Variants in KMT2C observed in about 807,000 individuals in gnomAD.
KMT2C encodes lysine methyltransferase 2C.
Under a neutral mutation model 507.9 loss-of-function variants are expected in KMT2C, and 88 were observed. The observed-to-expected ratio is 0.17, with a 90% CI of 0.15 to 0.21. The LOEUF (loss-of-function observed/expected upper bound fraction) is 0.21, where lower values mean the gene tolerates loss of function less well. Among genes scored for constraint, KMT2C ranks in the 10% least tolerant of loss-of-function variants. The pLI, the probability that KMT2C is intolerant of heterozygous loss-of-function variation, is 1.00. For synonymous variants in KMT2C, 2,049 were observed against 2,080.8 expected (o/e 0.98, Z 0.42); for missense variants, 4,954 against 5,957.8 (o/e 0.83, Z 5.55).
At chr7:152,269,374 A>T (rs918802090) in intron 7 of KMT2C, among the ~76,000 whole-genome samples, 1 of 152,244 alleles carries the variant, frequency 6.6e-6, no homozygotes, top group Non-Finnish European at 1.5e-5. Context: ...GGTTGGTTCC[A>T]ACCCTCCCAG....
chr7:152,348,599 TAAAAAAAA>T lies in KMT2C; in HGVS notation c.250+9980_250+9987del, dbSNP rs201530125. ...GGGCAACAAAAGCAAAACTCTGTCTTAAAAAAAAAAAAAAAAAAAAAAAAAGAAAGAAA... is the reference window on the plus strand; with the variant it reads ...GGGCAACAAAAGCAAAACTCTGTCTTAAAAAAAAAAAAAAAAAGAAAGAAA... On this transcript the variant is annotated intron_variant, in intron 2 of 58. Coordinates refer to ENST00000262189, the MANE Select transcript of KMT2C (RefSeq NM_170606.3). Among the ~76,000 whole-genome samples, 15 of 49,002 alleles carry T rather than the reference TAAAAAAAA, an allele frequency of 3.1e-4. No homozygotes were observed. The East Asian group carries it at 4.6e-3, about 15-fold the overall frequency. 32.1% of individuals were successfully genotyped at this position (49,002 alleles called of 152,430 possible).
chr7:152,345,034 A>G (rs2097043536), intron 2 of KMT2C, among the ~76,000 whole-genome samples: 1 of 152,038 alleles, frequency 6.6e-6, no homozygotes, highest in Non-Finnish European at 1.5e-5. Flanking sequence ...AAAAGCACAA[A>G]AAGAGTGGAA....
At chr7:152,343,086 G>A (rs1323219482) in intron 2 of KMT2C, among the ~76,000 whole-genome samples, 3 of 151,718 alleles carry the variant, frequency 2.0e-5, no homozygotes, top group African/African-American at 2.4e-5. Context: ...CCTGGCTATC[G>A]AGAAAAAAAA....
chr7:152,253,412 T>C (rs761884791), intron 9 of KMT2C, among the ~76,000 whole-genome samples: 1 of 143,232 alleles, frequency 7.0e-6, no homozygotes, highest in African/African-American at 2.6e-5. Flanking sequence ...TGATGGTTGA[T>C]GCCAGTAATC....
intron 1 of KMT2C, among the ~76,000 whole-genome samples, chr7:152,360,513 G>C (rs2097187986): frequency 6.8e-6 from 1 of 147,894 alleles, no homozygotes; most frequent in African/African-American, 2.5e-5. Context: ...AACCATGAAG[G>C]AGCTATAACA....
chr7:152,261,899 C>T (rs1490337877), intron 9 of KMT2C, among the ~76,000 whole-genome samples: 1 of 152,106 alleles, frequency 6.6e-6, no homozygotes, highest in African/African-American at 2.4e-5. Context: ...CAGAGTTCAT[C>T]ACAATCCTTC....
In KMT2C at chr7:152,181,159, G is replaced by C; in HGVS notation, c.6701C>G (p.Thr2234Ser). The change falls in exon 36 of 59, where the codon ACT (threonine) becomes AGT (serine). Residue 2234 changes from threonine to serine, a missense_variant. Transcript: ENST00000262189. ...TPRPRISEGF[T>S]RSSMTRPVLM... ...GACTGGTCTTGTCATTGAGGACCTA[G>C]TAAAACCCTCTGAAATCCTTGGCCT... The C allele has an allele frequency of 6.2e-7, 1 of 1,614,168 alleles. No individual in the cohort carries two copies. Among genetic ancestry groups the C allele is most frequent in the Non-Finnish European group, 8.5e-7 (1 of 1,180,034 alleles).
chr7:152,287,721 A>G (rs1282051558), intron 6 of KMT2C, among the ~76,000 whole-genome samples: 7 of 152,120 alleles, frequency 4.6e-5, no homozygotes, highest in African/African-American at 1.7e-4. Context: ...ACTATATAAC[A>G]CTGCTTCAAC....
In KMT2C at chr7:152,177,621, G is replaced by A. The variant is rs2129115106; in HGVS notation, c.7832C>T (p.Pro2611Leu). Residue 2611 changes from proline (P) to leucine (L), a missense_variant, in exon 38 of 59, where the codon CCT becomes CTT. Pro to Leu is a moderately conservative substitution (Grantham distance 98, BLOSUM62 -3). This residue lies in a region of KMT2C where 1,689 missense variants were observed against 1,654.3 expected (regional missense o/e 1.02). Transcript: ENST00000262189. The part of the protein sequence containing the change: ...GPRHTDPMRR[P>L]PQGLPNQLPV... ...TAGCTGATTAGGTAGACCCTGGGGA[G>A]GTCGTCGCATGGGGTCTGTGTGTCT... 3 of 1,614,160 alleles carry A rather than the reference G, an allele frequency of 1.9e-6. No homozygotes were observed. Among genetic ancestry groups the A allele is most frequent in the Non-Finnish European group, 2.5e-6 (3 of 1,180,020 alleles).
chr7:152,393,881 GA>G (rs2097520379), intron 1 of KMT2C, among the ~76,000 whole-genome samples: 1 of 71,880 alleles, frequency 1.4e-5, no homozygotes, highest in Admixed American at 2.0e-4. Flanking sequence ...TGGGCAACAA[GA>G]AGCAAAACTC....
chr7:152,281,372 T>A (rs2096205154), intron 6 of KMT2C, among the ~76,000 whole-genome samples: 1 of 152,138 alleles, frequency 6.6e-6, no homozygotes, highest in African/African-American at 2.4e-5. Context: ...CTATGGGTAA[T>A]ATGCAAGAAT....
At chr7:152,339,932 A>G (rs984364236) in intron 2 of KMT2C, among the ~76,000 whole-genome samples, 8 of 152,160 alleles carry the variant, frequency 5.3e-5, no homozygotes, top group Non-Finnish European at 1.0e-4. Context: ...AAACACTGAC[A>G]TTCATTATCG....
intron 2 of KMT2C, among the ~76,000 whole-genome samples, chr7:152,352,071 G>A (rs536860723): frequency 3.9e-5 from 6 of 152,280 alleles, no homozygotes; most frequent in African/African-American, 7.2e-5. Context: ...AAGAAATATC[G>A]CTGAATTCTT....
At chr7:152,331,190 G>A (rs1400649542) in intron 2 of KMT2C, among the ~76,000 whole-genome samples, 3 of 151,966 alleles carry the variant, frequency 2.0e-5, no homozygotes, top group Non-Finnish European at 2.9e-5. Context: ...TGCTTATAAT[G>A]TCAGCTACTC....
At chr7:152,225,416 T>C (rs1370011709) in intron 18 of KMT2C, among the ~76,000 whole-genome samples, 1 of 152,182 alleles carries the variant, frequency 6.6e-6, no homozygotes, top group Non-Finnish European at 1.5e-5. Context: ...CCCATCAGAA[T>C]GGCACCAAAC....
chr7:152,197,632 A>G (rs1243391706), intron 27 of KMT2C, among the ~76,000 whole-genome samples: 1 of 152,134 alleles, frequency 6.6e-6, no homozygotes, highest in Non-Finnish European at 1.5e-5. Flanking sequence ...TTTTAAAGTA[A>G]TGGAATTCTA....
chr7:152,211,580 A>C (rs1308050295), intron 23 of KMT2C, among the ~76,000 whole-genome samples: 1 of 152,236 alleles, frequency 6.6e-6, no homozygotes, highest in African/African-American at 2.4e-5. Flanking sequence ...AAAAACCAAG[A>C]GAGCACTTTT....
At chr7:152,195,690 TG>T (rs1165393798) in intron 28 of KMT2C, 52 of 312,424 alleles carry the variant, frequency 1.7e-4, no homozygotes, top group Admixed American at 7.7e-4. Context: ...TTAAATGTGA[TG>T]CAATTAGAAA....
chr7:152,353,181 T>G (rs568853874), intron 2 of KMT2C, among the ~76,000 whole-genome samples: 1 of 152,096 alleles, frequency 6.6e-6, no homozygotes, highest in African/African-American at 2.4e-5. Context: ...TCCCACCACT[T>G]TGGGATGCCA....
Sources: gnomAD v4.1 joint callset for allele counts (sites outside exome capture counted in the v4.1 genomes callset) on GRCh38, gnomAD v4.1.1 for gene constraint, gnomAD v4.1.1 regional missense constraint, MANE v1.5 for transcripts, NCBI Gene and HGNC (gene_info 2026-07-23, HGNC 2026-07-21) for gene names.